The following ENTREP3 variants were observed in gnomAD, a reference collection of about 807,000 sequenced individuals.
The protein encoded by ENTREP3 is protein ENTREP3.
chr1:155,255,040 G>T, the ENTREP3 span: 3 of 620,002 alleles, frequency 4.8e-6, no homozygotes, highest in African/African-American at 1.8e-5. This position sits in a 1 kb window ranked among gnomAD's most constrained non-coding sequence, Gnocchi z 5.6. Context: ...CCAGCTGTGG[G>T]GGGGGCCAAG....
chr1:155,252,011 CCT>C, the ENTREP3 span: 5 of 803,374 alleles, frequency 6.2e-6, no homozygotes, highest in African/African-American at 5.5e-5. Context: ...GGCCCTATCC[CCT>C]GAGAGAAGCT....
chr1:155,254,821 C>A, the ENTREP3 span: 1 of 1,607,218 alleles, frequency 6.2e-7, no homozygotes, highest in East Asian at 2.2e-5. The surrounding 1 kb of genome is among the most constrained non-coding windows in gnomAD (Gnocchi z 4.4). Context: ...GGGTAAGGCC[C>A]CTGGTGCTGG....
the ENTREP3 span, chr1:155,253,993 G>C: frequency 6.2e-7 from 1 of 1,612,762 alleles, no homozygotes; most frequent in Non-Finnish European, 8.5e-7. Context: ...GTGGAGCAGG[G>C]AGGGTGAGGC....
At chr1:155,254,758 G>C in the ENTREP3 span, 15 of 1,613,870 alleles carry the variant, frequency 9.3e-6, no homozygotes, top group African/African-American at 2.7e-5. This position sits in a 1 kb window ranked among gnomAD's most constrained non-coding sequence, Gnocchi z 4.4. Context: ...GGAGCACTTG[G>C]ACCAGCCCCA....
chr1:155,250,776 A>T, the ENTREP3 span: 4 of 1,611,266 alleles, frequency 2.5e-6, no homozygotes, highest in Non-Finnish European at 3.4e-6. This position sits in a 1 kb window ranked among gnomAD's most constrained non-coding sequence, Gnocchi z 5.4. Flanking sequence ...GCCCCCAGGG[A>T]GGTCACCAAT....
At chr1:155,251,179 G>A in the ENTREP3 span, 1 of 1,588,584 alleles carries the variant, frequency 6.3e-7, no homozygotes, top group Non-Finnish European at 8.6e-7. Context: ...AGAAGACACA[G>A]GGTCAAGGGT....
chr1:155,253,975 C>T, the ENTREP3 span: 4 of 1,612,580 alleles, frequency 2.5e-6, no homozygotes, highest in Non-Finnish European at 3.4e-6. Flanking sequence ...CAGACCTTTC[C>T]TTCCTGAGTG....
the ENTREP3 span, chr1:155,254,175 A>C: frequency 6.2e-7 from 1 of 1,613,944 alleles, no homozygotes; most frequent in Non-Finnish European, 8.5e-7. This position sits in a 1 kb window ranked among gnomAD's most constrained non-coding sequence, Gnocchi z 4.4. Flanking sequence ...GAGCACCGAA[A>C]GCAAGGAGAA....
the ENTREP3 span, chr1:155,250,264 G>C: frequency 5.8e-6 from 9 of 1,544,464 alleles, no homozygotes; most frequent in Non-Finnish European, 7.9e-6. The surrounding 1 kb of genome is among the most constrained non-coding windows in gnomAD (Gnocchi z 5.4). Context: ...GGCAGTCGGG[G>C]AGGGGGCTCA....
the ENTREP3 span, chr1:155,255,206 G>A: frequency 2.3e-6 from 1 of 439,838 alleles, no homozygotes; most frequent in East Asian, 3.9e-5. This position sits in a 1 kb window ranked among gnomAD's most constrained non-coding sequence, Gnocchi z 5.6. Context: ...CAGGAGTGAG[G>A]AGGGGGCGGC....
At chr1:155,251,693 C>A in the ENTREP3 span, 1 of 1,610,662 alleles carries the variant, frequency 6.2e-7, no homozygotes, top group East Asian at 2.2e-5. Context: ...GCCCCAGTCC[C>A]CTTCCTTAGC....
chr1:155,248,206 G>T, the ENTREP3 span: 69 of 1,609,822 alleles, frequency 4.3e-5, no homozygotes, highest in Non-Finnish European at 5.4e-5. Flanking sequence ...CTTTTTGGAA[G>T]GTGGGCACAG....
the ENTREP3 span, among the ~76,000 whole-genome samples, chr1:155,252,504 G>C: frequency 1.3e-5 from 2 of 149,924 alleles, no homozygotes; most frequent in East Asian, 2.0e-4. Flanking sequence ...CGAGTAGCTG[G>C]GATTACAGGC....
At chr1:155,252,214 T>A in the ENTREP3 span, 2 of 317,114 alleles carry the variant, frequency 6.3e-6, no homozygotes, top group Non-Finnish European at 1.1e-5. Context: ...GACCTTCTTT[T>A]TTTTTTTGAG....
the ENTREP3 span, among the ~76,000 whole-genome samples, chr1:155,249,604 G>C: frequency 1.3e-5 from 2 of 152,008 alleles, no homozygotes; most frequent in African/African-American, 4.8e-5. Flanking sequence ...AATTGCCCGG[G>C]CACGGTGACT....
chr1:155,254,633 C>T, the ENTREP3 span: 1 of 1,604,478 alleles, frequency 6.2e-7, no homozygotes, highest in Non-Finnish European at 8.5e-7. The surrounding 1 kb of genome is among the most constrained non-coding windows in gnomAD (Gnocchi z 4.4). Context: ...CCCCACCCAA[C>T]AACTGTGCAC....
the ENTREP3 span, chr1:155,253,437 C>T: frequency 1.7e-6 from 1 of 588,824 alleles, no homozygotes; most frequent in Non-Finnish European, 3.0e-6. Context: ...TAACTCACTC[C>T]CTGCCATCTC....
the ENTREP3 span, chr1:155,247,867 C>A: frequency 3.9e-6 from 6 of 1,525,410 alleles, no homozygotes; most frequent in African/African-American, 5.5e-5. Context: ...AGACAGGAGA[C>A]GCCGCAGGGA....
At chr1:155,251,541 A>AG in the ENTREP3 span, 2 of 1,613,958 alleles carry the variant, frequency 1.2e-6, no homozygotes, top group Non-Finnish European at 1.7e-6. Context: ...CCTCATAAGA[A>AG]GGGGGGCAAT....
Sources: gnomAD v4.1 joint callset for allele counts (sites outside exome capture counted in the v4.1 genomes callset) on GRCh38, gnomAD v4.1.1 for gene constraint, Gnocchi (gnomAD v3.1) non-coding constraint, MANE v1.5 for transcripts, NCBI Gene and HGNC (gene_info 2026-07-23, HGNC 2026-07-21) for gene names.